TNR: variants seen among roughly 807,000 people sequenced by gnomAD.
The protein encoded by TNR is tenascin R, also known as tenascin-R.
A neutral mutation model predicts 150.4 loss-of-function variants in TNR; 45 were observed. The observed-to-expected ratio is 0.30, with a 90% CI of 0.24 to 0.38. TNR has a LOEUF of 0.38. TNR is among the 10% of genes least tolerant of loss of function. The pLI, the probability that TNR is intolerant of heterozygous loss-of-function variation, is 1.00. For synonymous variants in TNR, 687 were observed against 678.4 expected (o/e 1.01, Z -0.20); for missense variants, 1,544 against 1,759.1 (o/e 0.88, Z 2.19).
intron 1 of TNR, among the ~76,000 whole-genome samples, chr1:175,680,396 G>T (rs1439648713): frequency 6.6e-6 from 1 of 152,116 alleles, no homozygotes; most frequent in Non-Finnish European, 1.5e-5. Flanking sequence ...AAGAGAGGGA[G>T]ACAAAAGAGA....
intron 1 of TNR, among the ~76,000 whole-genome samples, chr1:175,637,249 G>A (rs535547185): frequency 9.2e-5 from 14 of 152,316 alleles, no homozygotes; most frequent in African/African-American, 3.4e-4. Context: ...GCTAGAATAT[G>A]ATAACAGAGC....
chr1:175,549,216 A>G (rs1660837605), intron 1 of TNR, among the ~76,000 whole-genome samples: 2 of 152,240 alleles, frequency 1.3e-5, no homozygotes, highest in African/African-American at 4.8e-5. Flanking sequence ...TGGGTGAGAG[A>G]GAAGGAAATC....
At chr1:175,657,427 C>T (rs558816595) in intron 1 of TNR, among the ~76,000 whole-genome samples, 38 of 152,174 alleles carry the variant, frequency 2.5e-4, no homozygotes, top group African/African-American at 8.2e-4. Context: ...TGGGTATATA[C>T]CCAAAGGATT....
intron 1 of TNR, among the ~76,000 whole-genome samples, chr1:175,645,406 G>A (rs1571708517): frequency 6.6e-6 from 1 of 152,200 alleles, no homozygotes; most frequent in African/African-American, 2.4e-5. Context: ...GGAGCATTCT[G>A]AGGTCTAGGA....
At chr1:175,535,190 G>C (rs1394435187) in intron 1 of TNR, among the ~76,000 whole-genome samples, 1 of 152,182 alleles carries the variant, frequency 6.6e-6, no homozygotes, top group East Asian at 1.9e-4. Context: ...TATTTGTGGT[G>C]CTTAGAGTTG....
intron 1 of TNR, among the ~76,000 whole-genome samples, chr1:175,563,570 T>C (rs970743264): frequency 2.6e-5 from 4 of 152,148 alleles, no homozygotes; most frequent in Non-Finnish European, 5.9e-5. Context: ...CAGCCCCCAG[T>C]CCCTAATGAA....
At chr1:175,693,738 A>T (rs1666439569) in intron 1 of TNR, among the ~76,000 whole-genome samples, 1 of 152,130 alleles carries the variant, frequency 6.6e-6, no homozygotes, top group Admixed American at 6.5e-5. Flanking sequence ...GCCCAATCTC[A>T]TCTGATTTGA....
In TNR at chr1:175,691,769, C is replaced by T. The variant is rs562679743; in HGVS notation, c.-165+51457G>A. On this transcript the variant is annotated intron_variant, in intron 1 of 22. Transcript: ENST00000367674. ...TCAGATTTCTTATTTTTGCTCTATT[C>T]TCCAACACAAACCTTTTCTTCAGGC... 2.6e-5 allele frequency among the ~76,000 whole-genome samples: 4 copies of T among 152,264 alleles called. No homozygotes were observed. In the East Asian group the frequency reaches 7.7e-4, roughly 29 times the overall value.
At chr1:175,353,269 G>T (rs994110662) in intron 18 of TNR, among the ~76,000 whole-genome samples, 1 of 152,132 alleles carries the variant, frequency 6.6e-6, no homozygotes, top group African/African-American at 2.4e-5. Flanking sequence ...CCTCTCTGTG[G>T]CCCAATTTCC....
At chr1:175,707,752 C>A (rs1386695213) in intron 1 of TNR, among the ~76,000 whole-genome samples, 2 of 152,036 alleles carry the variant, frequency 1.3e-5, no homozygotes, top group Admixed American at 1.3e-4. Context: ...TATTATGAGG[C>A]CAATAGTAGG....
At chr1:175,740,443 A>G (rs551047247) in intron 1 of TNR, among the ~76,000 whole-genome samples, 1 of 152,220 alleles carries the variant, frequency 6.6e-6, no homozygotes, top group South Asian at 2.1e-4. Context: ...TTCAACAAAA[A>G]AAAAGTAATA....
At chr1:175,431,913 C>CTCTCTCTCTCTCTCTCTCTCTCCT (rs1553221262) in intron 2 of TNR, among the ~76,000 whole-genome samples, 30 of 149,654 alleles carry the variant, frequency 2.0e-4, no homozygotes, top group African/African-American at 7.4e-4. Flanking sequence ...ACCATAATAT[C>CTCTCTCTCTCTCTCTCTCTCTCCT]TCTCTCTCTC....
intron 1 of TNR, among the ~76,000 whole-genome samples, chr1:175,715,158 G>A (rs12040313): frequency 0.05 from 7,678 of 152,272 alleles, 306 homozygotes; most frequent in East Asian, 0.22. Flanking sequence ...CACATTGAAG[G>A]ATGAGAAGCA....
rs541529983 is a variant in TNR, at chr1:175,619,124, C to T, written c.-164-90755G>A. ...CCATTAGTGACTGAGTGCCTGTTCT[C>T]TCCAGTCTCCTCCTCTATCACGGTC... On this transcript the variant is annotated intron_variant, in intron 1 of 22. Coordinates refer to ENST00000367674, the MANE Select transcript of TNR (RefSeq NM_003285.3). 2.6e-5 allele frequency among the ~76,000 whole-genome samples: 4 copies of T among 152,284 alleles called. No homozygotes were observed. In the South Asian group the frequency reaches 6.2e-4, roughly 24 times the overall value.
intron 9 of TNR, among the ~76,000 whole-genome samples, chr1:175,372,093 C>G (rs114301710): frequency 6.6e-6 from 1 of 152,064 alleles, no homozygotes; most frequent in African/African-American, 2.4e-5. Context: ...TGTGGCACCT[C>G]CCCCCAACCC....
chr1:175,526,899 A>T (rs1383421206), intron 2 of TNR, among the ~76,000 whole-genome samples: 1 of 152,332 alleles, frequency 6.6e-6, no homozygotes, highest in Admixed American at 6.5e-5. Context: ...TAATCTGGAC[A>T]AGCTATGTTC....
At chr1:175,525,208 T>C (rs1396838646) in intron 2 of TNR, among the ~76,000 whole-genome samples, 2 of 152,200 alleles carry the variant, frequency 1.3e-5, no homozygotes, top group Admixed American at 6.5e-5. Flanking sequence ...AAGGAGGTGT[T>C]TGCTTCCCCT....
intron 1 of TNR, among the ~76,000 whole-genome samples, chr1:175,661,048 T>TG (rs1291721994): frequency 6.6e-6 from 1 of 152,152 alleles, no homozygotes; most frequent in African/African-American, 2.4e-5. Flanking sequence ...TTCTTGGGTT[T>TG]GGGCGGTGCC....
At chr1:175,578,196 G>A (rs533386526) in intron 1 of TNR, among the ~76,000 whole-genome samples, 47 of 152,232 alleles carry the variant, frequency 3.1e-4, no homozygotes, top group African/African-American at 1.1e-3. Context: ...AAATGTGGAC[G>A]TGGGTGTGAG....
Sources: gnomAD v4.1 joint callset for allele counts (sites outside exome capture counted in the v4.1 genomes callset) on GRCh38, gnomAD v4.1.1 for gene constraint, MANE v1.5 for transcripts, NCBI Gene and HGNC (gene_info 2026-07-23, HGNC 2026-07-21) for gene names.